TP63: variants seen among roughly 807,000 people sequenced by gnomAD.
TP63 encodes the protein tumor protein p63.
In TP63, 17 loss-of-function variants were observed where a neutral mutation model predicts 82.8. The ratio of observed to expected loss-of-function variants is 0.21; its 90% CI spans 0.14 to 0.31. TP63 has a LOEUF of 0.31. TP63 is among the 10% of genes least tolerant of loss of function. TP63 has a pLI of 1.00. For missense variants in TP63, 648 were observed against 895.3 expected, an observed-to-expected ratio of 0.72 and a Z score of 3.52; for synonymous variants, 330 against 321.7, an observed-to-expected ratio of 1.03 and a Z score of -0.28.
intron 3 of TP63, among the ~76,000 whole-genome samples, chr3:189,765,493 T>TG (rs1459316082): frequency 5.6e-4 from 74 of 132,170 alleles, no homozygotes; most frequent in African/African-American, 2.1e-3. Context: ...CAGAGTGCAG[T>TG]GGGGGGATCT....
chr3:189,794,292 T>C (rs1725465727), intron 3 of TP63, among the ~76,000 whole-genome samples: 1 of 152,040 alleles, frequency 6.6e-6, no homozygotes, highest in African/African-American at 2.4e-5. Flanking sequence ...CTAAGAAGTT[T>C]ATAGTTCTTT....
intron 3 of TP63, among the ~76,000 whole-genome samples, chr3:189,748,508 C>CAAAAAA (rs58926854): frequency 1.3e-3 from 40 of 31,256 alleles, no homozygotes; most frequent in East Asian, 0.013. Context: ...AGGAAAACTA[C>CAAAAAA]AAAAAAAAAA....
At chr3:189,723,653 T>C (rs954726440) in intron 1 of TP63, among the ~76,000 whole-genome samples, 1 of 152,188 alleles carries the variant, frequency 6.6e-6, no homozygotes, top group African/African-American at 2.4e-5. Context: ...AGGTAGGAAC[T>C]GTAAATAAAG....
intron 12 of TP63, 61 bp from the exon 13 acceptor site, chr3:189,890,728 T>A: frequency 6.6e-7 from 1 of 1,508,176 alleles, no homozygotes. Context: ...ATCTCGCCAA[T>A]GCAGTTGGGG....
At chr3:189,750,211 G>A (rs2108520508) in intron 3 of TP63, among the ~76,000 whole-genome samples, 1 of 151,228 alleles carries the variant, frequency 6.6e-6, no homozygotes, top group Non-Finnish European at 1.5e-5. Context: ...AGTGAAATAA[G>A]GCACAGAAAG....
the TP63 span, among the ~76,000 whole-genome samples, chr3:189,605,954 A>C: frequency 3.3e-5 from 5 of 152,204 alleles, no homozygotes; most frequent in African/African-American, 1.2e-4. Flanking sequence ...ACCCAATGTA[A>C]GACAACTACC....
chr3:189,728,187 G>GGAGTA (rs1719908483), intron 1 of TP63, among the ~76,000 whole-genome samples: 1 of 145,870 alleles, frequency 6.9e-6, no homozygotes, highest in South Asian at 2.2e-4. Context: ...AAAAAAAAAA[G>GGAGTA]GAGTAGAGAT....
At chr3:189,675,689 C>T (rs1715328763) in intron 1 of TP63, among the ~76,000 whole-genome samples, 2 of 152,082 alleles carry the variant, frequency 1.3e-5, no homozygotes, top group Non-Finnish European at 2.9e-5. Flanking sequence ...AGTACTGTGG[C>T]ACGGTTATGT....
intron 11 of TP63, among the ~76,000 whole-genome samples, chr3:189,887,430 A>T (rs60284810): frequency 6.6e-6 from 1 of 152,164 alleles, no homozygotes; most frequent in Admixed American, 6.5e-5. Context: ...TCTACGAAGG[A>T]ACCTGCCTTT....
At chr3:189,770,763 C>T (rs1398563312) in intron 3 of TP63, among the ~76,000 whole-genome samples, 2 of 152,110 alleles carry the variant, frequency 1.3e-5, no homozygotes, top group Non-Finnish European at 2.9e-5. Flanking sequence ...GATAGTTAGG[C>T]AAGACAAAAT....
rs892781113 is a variant in TP63 at position 189,896,929 on chromosome 3, G to A, written c.*2427G>A. On this transcript the variant is annotated 3_prime_UTR_variant, in exon 14 of 14. Coordinates refer to ENST00000264731, the MANE Select transcript of TP63 (RefSeq NM_003722.5). ...AATTGAAAAGTTTTTGTTTGGAGAC[G>A]TTTATAAACAGAAATGGAAAGCAGA... The A allele has an allele frequency of 8.5e-5, 19 of 224,354 alleles. No individual in the cohort carries two copies. Among genetic ancestry groups the A allele is most frequent in the African/African-American group, 3.3e-4 (15 of 44,834 alleles). The allele number at this position is 224,354 out of a possible 1,614,324, so 13.9% of individuals were successfully genotyped here.
intron 1 of TP63, among the ~76,000 whole-genome samples, chr3:189,680,699 A>G (rs575363725): frequency 5.9e-5 from 9 of 152,320 alleles, no homozygotes; most frequent in South Asian, 2.1e-4. Flanking sequence ...TCTTGGTTCT[A>G]TGGTGGCTGG....
intron 10 of TP63, chr3:189,880,291 A>G: frequency 7.3e-7 from 1 of 1,366,132 alleles, no homozygotes; most frequent in Non-Finnish European, 9.5e-7. Flanking sequence ...GGACTTGAAG[A>G]CACTTTGGCT....
At chr3:189,851,325 G>A (rs1375451152) in intron 4 of TP63, among the ~76,000 whole-genome samples, 3 of 152,314 alleles carry the variant, frequency 2.0e-5, no homozygotes, top group Middle Eastern at 3.4e-3. Flanking sequence ...TTGGGAGGCC[G>A]AGGCAGGTAG....
At chr3:189,872,339 T>C (rs1326589748) in intron 9 of TP63, among the ~76,000 whole-genome samples, 1 of 151,888 alleles carries the variant, frequency 6.6e-6, no homozygotes, top group Non-Finnish European at 1.5e-5. Flanking sequence ...TACCGTTGAC[T>C]CATTAACATC....
At chr3:189,774,737 T>G (rs1243234179) in intron 3 of TP63, among the ~76,000 whole-genome samples, 1 of 152,184 alleles carries the variant, frequency 6.6e-6, no homozygotes, top group African/African-American at 2.4e-5. Context: ...GCTACCAACC[T>G]AGAAAGTATC....
chr3:189,641,687 T>C lies in TP63; in HGVS notation c.62+10110T>C, dbSNP rs183317829. ...ATTATTTCCCTTATTTTTGAACATT[T>C]GGTTTGGTTATAATTTTTGTTATTA... On this transcript the variant is annotated intron_variant, in intron 1 of 13. Transcript: ENST00000264731. Among the ~76,000 whole-genome samples the C allele has an allele frequency of 1.3e-4, 20 of 152,288 alleles. 1 individual carries two copies. The East Asian group carries it at 3.7e-3, about 28-fold the overall frequency.
At chr3:189,628,305 C>T (rs1428589103), upstream of TP63, among the ~76,000 whole-genome samples, 1 of 152,014 alleles carries the variant, frequency 6.6e-6, no homozygotes, top group Non-Finnish European at 1.5e-5. Context: ...AGAATATGAT[C>T]CAAGGCACAA....
intron 3 of TP63, among the ~76,000 whole-genome samples, chr3:189,807,817 ATG>A (rs1727078655): frequency 6.6e-6 from 1 of 152,220 alleles, no homozygotes; most frequent in Non-Finnish European, 1.5e-5. Flanking sequence ...TTTGCCCCCT[ATG>A]CAACAATTTA....
Sources: allele counts gnomAD v4.1 joint callset (sites outside exome capture counted in the v4.1 genomes callset), GRCh38; gene constraint gnomAD v4.1.1; transcripts MANE v1.5; gene names NCBI Gene and HGNC (gene_info 2026-07-23, HGNC 2026-07-21).